ZNF215: variants seen among roughly 807,000 people sequenced by gnomAD.
ZNF215 encodes the protein BWSCR2-associated zinc finger protein 2.
ZNF215 carries 24 observed loss-of-function variants against 27.2 expected under a neutral mutation model. The observed-to-expected ratio is 0.88, with a 90% confidence interval of 0.64 to 1.24. ZNF215 has a LOEUF of 1.24. Among genes scored for constraint, ZNF215 ranks in the 50% most tolerant of loss-of-function variants. ZNF215 has a pLI of 0.00. For missense variants in ZNF215, 675 were observed against 605.7 expected (o/e 1.11, Z -1.20); for synonymous variants, 210 against 204.0 (o/e 1.03, Z -0.25).
At chr11:6,982,723 C>T (rs1396637360) in intron 5 of ZNF215, among the ~76,000 whole-genome samples, 1 of 151,238 alleles carries the variant, frequency 6.6e-6, no homozygotes, top group Non-Finnish European at 1.5e-5. Context: ...AACAAAGACA[C>T]AACATACCAG....
intron 5 of ZNF215, among the ~76,000 whole-genome samples, chr11:6,977,630 A>G (rs901239378): frequency 6.6e-6 from 1 of 152,008 alleles, no homozygotes; most frequent in African/African-American, 2.4e-5. Flanking sequence ...ATGCATGCAA[A>G]TACAGAAGGA....
chr11:6,988,289 C>T (rs1851081471), downstream of ZNF215: 9 of 979,910 alleles, frequency 9.2e-6, no homozygotes, highest in Non-Finnish European at 1.1e-5. Context: ...CAGACTCAGC[C>T]TGACCAAAGA....
At chr11:6,941,688 T>C (rs759996979) in intron 4 of ZNF215, 35 bp downstream of exon 4, 3 of 1,606,044 alleles carry the variant, frequency 1.9e-6, no homozygotes, top group South Asian at 2.2e-5. Flanking sequence ...TGAACACATA[T>C]GCTCATTTTT....
intron 5 of ZNF215, among the ~76,000 whole-genome samples, chr11:6,970,342 C>A (rs1254018133): frequency 1.3e-5 from 2 of 152,134 alleles, no homozygotes; most frequent in African/African-American, 4.8e-5. Context: ...GGCATATTAA[C>A]CAAGTCCAAT....
chr11:6,984,112 A>ATTTTTTT, intron 5 of ZNF215: 1 of 362,562 alleles, frequency 2.8e-6, no homozygotes, highest in Non-Finnish European at 5.4e-6. Context: ...TGTCCCTTAA[A>ATTTTTTT]TTTTTTTTTT....
At chr11:6,935,490 A>G (rs1350095782) in intron 3 of ZNF215, among the ~76,000 whole-genome samples, 2 of 152,232 alleles carry the variant, frequency 1.3e-5, no homozygotes, top group African/African-American at 4.8e-5. Context: ...GGTAAACATA[A>G]CATAGCATAT....
chr11:6,937,998 T>A (rs1470996405), intron 3 of ZNF215, among the ~76,000 whole-genome samples: 1 of 151,850 alleles, frequency 6.6e-6, no homozygotes, highest in Non-Finnish European at 1.5e-5. Flanking sequence ...AATAGATAAA[T>A]TAGACCATCA....
In ZNF215 at chr11:6,955,756, G is replaced by A. The variant is rs747679637; in HGVS notation, c.779G>A (p.Gly260Glu). 1.2e-6 allele frequency: 2 copies of A among 1,608,664 alleles called. No homozygotes were observed. Residue 260 changes from glycine to glutamate, a missense_variant, in exon 7 of 7, where the codon GGA (glycine) becomes GAA (glutamate). Coordinates refer to ENST00000278319, the MANE Select transcript of ZNF215 (RefSeq NM_013250.4). ...GVIMTRLTES[G>E]HPSSDAWKGE... ...ATTATGACAAGGCTTACCGAAAGTG[G>A]ACACCCTTCTTCAGATGCCTGGAAA...
In ZNF215 at chr11:6,932,537, G is replaced by T. The variant is rs200639968; in HGVS notation, c.265G>T (p.Glu89Ter). The change falls in exon 3 of 7, where the codon GAA becomes TAA. Residue 89 changes from glutamate to a stop codon, truncating the protein, a stop_gained. Coordinates refer to ENST00000278319, the MANE Select transcript of ZNF215 (RefSeq NM_013250.4). LOFTEE classifies it high-confidence loss of function. Reference protein sequence around the residue: ...PEIHTKKQIIELLVLEQFLAI... With the variant: ...PEIHTKKQII ...GATTCATACAAAGAAGCAGATTATAGAACTGTTGGTGCTGGAACAATTCCT... is the reference window on the plus strand; with the variant it reads ...GATTCATACAAAGAAGCAGATTATATAACTGTTGGTGCTGGAACAATTCCT... 8 of 1,614,060 alleles carry T rather than the reference G, an allele frequency of 5.0e-6. No individual in the cohort carries two copies. The highest frequency in any genetic ancestry group is 1.3e-5 in the African/African-American group (1 of 74,902).
In ZNF215 at chr11:6,952,165, G is replaced by A. The variant is rs201206333; in HGVS notation, c.713-3525G>A. ...AGCTTTACTTCCAAGTATGTGGTCA[G>A]TTTTGGAATAGGTGTGGTGTGGTGC... is the stretch of plus-strand genomic sequence containing the variant. On this transcript the variant is annotated intron_variant, in intron 6 of 6. Coordinates refer to ENST00000278319, the MANE Select transcript of ZNF215 (RefSeq NM_013250.4). 1.6e-3 allele frequency among the ~76,000 whole-genome samples: 243 copies of A among 152,222 alleles called. 2 individuals carry two copies. In the East Asian group the frequency reaches 0.036, roughly 23 times the overall value.
At chr11:6,966,801 A>C (rs1850629266) in intron 5 of ZNF215, among the ~76,000 whole-genome samples, 1 of 150,932 alleles carries the variant, frequency 6.6e-6, no homozygotes, top group Admixed American at 6.6e-5. Flanking sequence ...GTATATGGGA[A>C]GTTGACATTT....
intron 3 of ZNF215, among the ~76,000 whole-genome samples, chr11:6,935,498 T>C (rs1017640383): frequency 6.6e-6 from 1 of 152,160 alleles, no homozygotes; most frequent in Non-Finnish European, 1.5e-5. Context: ...TAACATAGCA[T>C]ATAGAGTTTA....
chr11:6,967,536 T>G (rs938304389), intron 5 of ZNF215, among the ~76,000 whole-genome samples: 17 of 152,370 alleles, frequency 1.1e-4, no homozygotes, highest in Non-Finnish European at 2.2e-4. Context: ...TGGTTTTGAT[T>G]TGCATTTCTC....
At position 6,946,299 on chromosome 11, in the gene ZNF215, A is replaced by T. The variant is rs527767670; in HGVS notation, c.712+2658A>T. On this transcript the variant is annotated intron_variant, in intron 6 of 6. Coordinates refer to ENST00000278319, the MANE Select transcript of ZNF215 (RefSeq NM_013250.4). Reference sequence around the variant, plus strand: ...GTGATCTGCATTTTTTAAATACTATATTGATTTCAGTATTGTTTATTTCAC... The same window carrying T: ...GTGATCTGCATTTTTTAAATACTATTTTGATTTCAGTATTGTTTATTTCAC... 9.9e-5 allele frequency among the ~76,000 whole-genome samples: 15 copies of T among 152,236 alleles called. No individual in the cohort carries two copies. The South Asian group carries it at 3.1e-3, about 32-fold the overall frequency.
At chr11:6,938,654 C>T (rs960857934) in intron 3 of ZNF215, among the ~76,000 whole-genome samples, 4 of 151,600 alleles carry the variant, frequency 2.6e-5, no homozygotes, top group Non-Finnish European at 4.4e-5. Context: ...GAAGTCAGAC[C>T]CAAAAGGTCA....
rs189118333 is a variant in ZNF215 at position 6,930,129 on chromosome 11, T to C, written c.-179-1965T>C. ...TTTTTTTTAATTTTTTGAGCATTTC[T>C]TTACTTTCTGGCAGTACAAGATGCC... is the stretch of plus-strand genomic sequence containing the variant. On this transcript the variant is annotated intron_variant, in intron 2 of 6. Transcript: ENST00000278319. 1.7e-3 allele frequency among the ~76,000 whole-genome samples: 253 copies of C among 152,020 alleles called. 3 individuals are homozygous for C. The highest frequency in any genetic ancestry group is 1.3e-3 in the Non-Finnish European group (90 of 67,976).
At chr11:6,936,706 G>A (rs1849447529) in intron 3 of ZNF215, among the ~76,000 whole-genome samples, 2 of 151,888 alleles carry the variant, frequency 1.3e-5, no homozygotes, top group Non-Finnish European at 2.9e-5. Context: ...AAATCCAATA[G>A]CGTTTTAAGA....
At chr11:6,991,053 A>G (rs1317209216), downstream of ZNF215, among the ~76,000 whole-genome samples, 1 of 152,218 alleles carries the variant, frequency 6.6e-6, no homozygotes, top group Non-Finnish European at 1.5e-5. Flanking sequence ...ACATACCAAA[A>G]TTATATCCTC....
chr11:6,947,368 A>G (rs981006433), intron 6 of ZNF215, among the ~76,000 whole-genome samples: 1 of 152,096 alleles, frequency 6.6e-6, no homozygotes, highest in African/African-American at 2.4e-5. Context: ...TCAAGACCAG[A>G]CTGGGCACCA....
Sources: allele counts gnomAD v4.1 joint callset (sites outside exome capture counted in the v4.1 genomes callset), GRCh38; gene constraint gnomAD v4.1.1; transcripts MANE v1.5; gene names NCBI Gene and HGNC (gene_info 2026-07-23, HGNC 2026-07-21).